Variants in RERE observed in about 807,000 individuals in gnomAD.
RERE encodes arginine-glutamic acid dipeptide repeats, also known as arginine-glutamic acid dipeptide repeats protein.
A neutral mutation model predicts 146.1 loss-of-function variants in RERE; 40 were observed. The observed-to-expected ratio is 0.27, with a 90% CI of 0.21 to 0.36. RERE has a LOEUF of 0.36. RERE is among the 10% of genes least tolerant of loss of function. RERE has a pLI of 1.00. For missense variants in RERE, 1,933 were observed against 2,138.7 expected, an observed-to-expected ratio of 0.90 and a Z score of 1.90; for synonymous variants, 1,003 against 866.0, an observed-to-expected ratio of 1.16 and a Z score of -2.78.
chr1:8,671,962 G>A (rs1392218030), intron 1 of RERE, among the ~76,000 whole-genome samples: 1 of 152,026 alleles, frequency 6.6e-6, no homozygotes, highest in Non-Finnish European at 1.5e-5. Context: ...AAAGGGGAAA[G>A]CTGCTAGATT....
intron 1 of RERE, chr1:8,753,688 A>C (rs558482599): frequency 6.6e-6 from 1 of 152,330 alleles, no homozygotes; most frequent in South Asian, 2.1e-4. Flanking sequence ...TTTCTTTCAG[A>C]TAAATAAGCC....
intron 1 of RERE, among the ~76,000 whole-genome samples, chr1:8,803,264 T>C (rs1265503615): frequency 1.3e-5 from 2 of 151,812 alleles, no homozygotes; most frequent in Non-Finnish European, 2.9e-5. Flanking sequence ...GATCACGAGA[T>C]CAAGACCATC....
At chr1:8,715,999 G>A (rs1286818851) in intron 1 of RERE, among the ~76,000 whole-genome samples, 3 of 152,018 alleles carry the variant, frequency 2.0e-5, no homozygotes, top group Non-Finnish European at 4.4e-5. Flanking sequence ...ATAAAAACAG[G>A]TCAGGCACAG....
intron 2 of RERE, among the ~76,000 whole-genome samples, chr1:8,637,819 C>A (rs556321180): frequency 8.4e-4 from 128 of 152,302 alleles, no homozygotes; most frequent in Admixed American, 2.0e-3. Context: ...CTTTTATAGG[C>A]CAAAGCCCTA....
At chr1:8,725,125 A>G (rs1000864961) in intron 1 of RERE, among the ~76,000 whole-genome samples, 3 of 152,352 alleles carry the variant, frequency 2.0e-5, no homozygotes, top group South Asian at 4.1e-4. Context: ...CTAATACTCA[A>G]TAACAATAAT....
intron 4 of RERE, among the ~76,000 whole-genome samples, chr1:8,597,605 C>A (rs982256718): frequency 2.0e-5 from 3 of 152,136 alleles, no homozygotes; most frequent in Non-Finnish European, 1.5e-5. Flanking sequence ...CTAAGAACCC[C>A]CTGTCCTGTG....
chr1:8,357,319 C>CAG, intron 20 of RERE, among the ~76,000 whole-genome samples: 1 of 152,370 alleles, frequency 6.6e-6, no homozygotes, highest in Admixed American at 6.5e-5. Context: ...CAGGTGCCAA[C>CAG]AGAGCTTCAG....
At chr1:8,560,333 A>G (rs761685262) in intron 4 of RERE, among the ~76,000 whole-genome samples, 6 of 152,206 alleles carry the variant, frequency 3.9e-5, no homozygotes, top group Non-Finnish European at 8.8e-5. Flanking sequence ...AACTGTCTCT[A>G]AACATTGCTA....
Position 8,591,712 on chromosome 1 carries a change from TC to T in RERE, c.522+22848del, listed in dbSNP as rs1400878039. ...CCTTTTCAAACCTGTCTAAGCCAAC[TC>T]CAAATTCACTCCAAATTCTCCTCCT... On this transcript the variant is annotated intron_variant, in intron 4 of 22. Coordinates refer to ENST00000400908, the MANE Select transcript of RERE (RefSeq NM_001042681.2). 2.6e-5 allele frequency among the ~76,000 whole-genome samples: 4 copies of T among 152,260 alleles called. No homozygotes were observed. The East Asian group carries it at 7.7e-4, about 29-fold the overall frequency.
At chr1:8,435,000 T>C (rs1254174337) in intron 11 of RERE, among the ~76,000 whole-genome samples, 9 of 152,248 alleles carry the variant, frequency 5.9e-5, no homozygotes, top group Admixed American at 3.3e-4. Context: ...AGATAATAAA[T>C]GATCATCATT....
chr1:8,386,085 A>C (rs1172252938), intron 12 of RERE, among the ~76,000 whole-genome samples: 3 of 120,080 alleles, frequency 2.5e-5, no homozygotes, highest in African/African-American at 9.2e-5. Flanking sequence ...ACAAAGGAGC[A>C]GTAGTTTCTA....
chr1:8,638,341 G>C (rs1166733704), intron 2 of RERE, among the ~76,000 whole-genome samples: 1 of 152,200 alleles, frequency 6.6e-6, no homozygotes, highest in Non-Finnish European at 1.5e-5. Context: ...GGCACTGCCA[G>C]TATTGCTGTG....
At chr1:8,485,995 T>G (rs1431744838) in intron 10 of RERE, among the ~76,000 whole-genome samples, 1 of 152,116 alleles carries the variant, frequency 6.6e-6, no homozygotes, top group Non-Finnish European at 1.5e-5. Context: ...AGACGGGGTT[T>G]CACCACATTG....
At chr1:8,597,785 ATT>A (rs34291282) in intron 4 of RERE, among the ~76,000 whole-genome samples, 43 of 150,100 alleles carry the variant, frequency 2.9e-4, no homozygotes, top group African/African-American at 4.9e-4. Flanking sequence ...ATTTCACTGG[ATT>A]TTTTTTTTTT....
intron 1 of RERE, among the ~76,000 whole-genome samples, chr1:8,800,507 A>C (rs1641567545): frequency 6.7e-6 from 1 of 148,578 alleles, no homozygotes; most frequent in African/African-American, 2.4e-5. Flanking sequence ...TCATGGTCAA[A>C]GAAATGCAAA....
intron 11 of RERE, among the ~76,000 whole-genome samples, chr1:8,439,190 C>T (rs1391954407): frequency 2.2e-4 from 34 of 152,204 alleles, no homozygotes; most frequent in Admixed American, 2.2e-3. Flanking sequence ...TTTGAGAGAG[C>T]CACTTGCCCA....
intron 12 of RERE, among the ~76,000 whole-genome samples, chr1:8,369,981 G>A (rs547284159): frequency 1.4e-4 from 21 of 152,002 alleles, no homozygotes; most frequent in Non-Finnish European, 1.8e-4. Context: ...TAGTAGAGAC[G>A]GGGTTTCACT....
intron 2 of RERE, among the ~76,000 whole-genome samples, chr1:8,650,669 C>T (rs1240699090): frequency 3.3e-5 from 5 of 151,946 alleles, no homozygotes; most frequent in African/African-American, 4.8e-5. Context: ...GAGGCCGGGG[C>T]GGGCAGATCA....
chr1:8,420,709 G>A (rs1165852552), intron 12 of RERE, among the ~76,000 whole-genome samples: 3 of 152,220 alleles, frequency 2.0e-5, no homozygotes, highest in Non-Finnish European at 4.4e-5. Context: ...GGTGACTGAT[G>A]AAGACTTTGG....
Sources: allele counts gnomAD v4.1 joint callset (sites outside exome capture counted in the v4.1 genomes callset), GRCh38; gene constraint gnomAD v4.1.1; transcripts MANE v1.5; gene names NCBI Gene and HGNC (gene_info 2026-07-23, HGNC 2026-07-21).